The following OPRM1 variants were observed in gnomAD, a reference collection of about 807,000 sequenced individuals.
OPRM1 encodes opioid receptor mu 1.
In OPRM1, 27 loss-of-function variants were observed where a neutral mutation model predicts 31.8. That is an observed-to-expected ratio of 0.85 (90% CI 0.63 to 1.17). The LOEUF is 1.17. OPRM1 is among the 50% of genes most tolerant of loss of function. The pLI is 0.00. For synonymous variants in OPRM1, 196 were observed against 189.9 expected (o/e 1.03, Z -0.26); for missense variants, 536 against 511.1 (o/e 1.05, Z -0.47).
chr6:154,216,379 T>C (rs1778393400), intron 3 of OPRM1, among the ~76,000 whole-genome samples: 1 of 152,106 alleles, frequency 6.6e-6, no homozygotes. Flanking sequence ...TCTGTAATTG[T>C]GCCTTTGAAA....
At chr6:154,059,003 T>C (rs986453023) in intron 1 of OPRM1, among the ~76,000 whole-genome samples, 10 of 152,198 alleles carry the variant, frequency 6.6e-5, no homozygotes, top group African/African-American at 2.2e-4. Flanking sequence ...AAAATTGTTT[T>C]ATTCAATTGC....
At chr6:154,222,955 G>C (rs572414202) in intron 3 of OPRM1, 1 of 583,274 alleles carries the variant, frequency 1.7e-6, no homozygotes, top group African/African-American at 1.9e-5. Context: ...ACTTCGTGGG[G>C]GTTTTAAAAT....
At chr6:154,106,907 A>C (rs1399605028) in intron 3 of OPRM1, among the ~76,000 whole-genome samples, 1 of 152,178 alleles carries the variant, frequency 6.6e-6, no homozygotes, top group Non-Finnish European at 1.5e-5. Context: ...CATTTTTAAG[A>C]TGTTTTATTT....
intron 3 of OPRM1, among the ~76,000 whole-genome samples, chr6:154,235,531 CAAAAAAAAAA>C (rs34877577): frequency 1.0e-5 from 1 of 97,594 alleles, no homozygotes; most frequent in South Asian, 3.7e-4. Context: ...AACTCTGTCA[CAAAAAAAAAA>C]AAAAAAAAAA....
chr6:154,199,934 A>G (rs1228857466), intron 3 of OPRM1: 1 of 1,614,238 alleles, frequency 6.2e-7, no homozygotes, highest in East Asian at 2.2e-5. Flanking sequence ...CTCTTTAGAT[A>G]AGGAGGAAGG....
At chr6:154,017,555 C>T (rs145952303) in intron 1 of OPRM1, among the ~76,000 whole-genome samples, 1 of 152,216 alleles carries the variant, frequency 6.6e-6, no homozygotes, top group East Asian at 1.9e-4. Context: ...AGGACAGAAC[C>T]TATCTCATGT....
At chr6:154,082,681 C>G (rs1789444498) in intron 1 of OPRM1, among the ~76,000 whole-genome samples, 1 of 151,984 alleles carries the variant, frequency 6.6e-6, no homozygotes, top group African/African-American at 2.4e-5. Flanking sequence ...ATGACCTTTC[C>G]CCTTAGAAGT....
chr6:154,026,323 T>C (rs1778694145), intron 1 of OPRM1, among the ~76,000 whole-genome samples: 1 of 152,070 alleles, frequency 6.6e-6, no homozygotes, highest in Non-Finnish European at 1.5e-5. Context: ...AGCTAAATTG[T>C]ATGTTGTTTG....
chr6:154,049,886 T>A (rs1781864809), intron 1 of OPRM1, among the ~76,000 whole-genome samples: 1 of 152,200 alleles, frequency 6.6e-6, no homozygotes, highest in African/African-American at 2.4e-5. Flanking sequence ...ATTTTTCTAA[T>A]GTGTTATTGA....
intron 3 of OPRM1, among the ~76,000 whole-genome samples, chr6:154,220,597 G>A (rs759367351): frequency 2.3e-4 from 35 of 152,156 alleles, no homozygotes; most frequent in Non-Finnish European, 1.3e-4. Context: ...AGCCGAGATC[G>A]CACCACTGCA....
intron 3 of OPRM1, among the ~76,000 whole-genome samples, chr6:154,231,762 C>T (rs189511411): frequency 2.6e-5 from 4 of 152,196 alleles, no homozygotes; most frequent in East Asian, 1.9e-4. Flanking sequence ...AACAGAGATG[C>T]GAAGGAGACT....
At position 154,121,772 on chromosome 6, in the gene OPRM1, A is replaced by C. The variant is rs965973477; in HGVS notation, c.*3051A>C. Among the ~76,000 whole-genome samples, 3 of 152,212 alleles carry C rather than the reference A, an allele frequency of 2.0e-5. No homozygotes were observed. The highest frequency in any genetic ancestry group is 2.0e-4 in the Admixed American group (3 of 15,272). ...TAAGATACAAAGAAAACACCTCTGCAAAGATTCCGACCACATTTATCAAAA... is the reference window on the plus strand; with the variant it reads ...TAAGATACAAAGAAAACACCTCTGCCAAGATTCCGACCACATTTATCAAAA... On this transcript the variant is annotated 3_prime_UTR_variant, in exon 4 of 4. Coordinates refer to ENST00000330432, the MANE Select transcript of OPRM1 (RefSeq NM_000914.5).
chr6:154,019,695 A>C (rs1369630964), intron 1 of OPRM1, among the ~76,000 whole-genome samples: 1 of 150,594 alleles, frequency 6.6e-6, no homozygotes, highest in African/African-American at 2.4e-5. Context: ...ATGTGAATTT[A>C]AGGTTTCTCT....
intron 3 of OPRM1, chr6:154,221,318 T>C (rs751293134): frequency 6.2e-7 from 1 of 1,613,834 alleles, no homozygotes; most frequent in East Asian, 2.2e-5. Context: ...GGATGGCTGA[T>C]CTTAAAAGCA....
intron 3 of OPRM1, among the ~76,000 whole-genome samples, chr6:154,200,511 G>A (rs1415433600): frequency 6.6e-6 from 1 of 152,022 alleles, no homozygotes; most frequent in African/African-American, 2.4e-5. Flanking sequence ...ACCTGAGGCC[G>A]GGAGTTTGAG....
At chr6:154,231,512 A>C (rs1353626339) in intron 3 of OPRM1, among the ~76,000 whole-genome samples, 1 of 152,268 alleles carries the variant, frequency 6.6e-6, no homozygotes, top group Non-Finnish European at 1.5e-5. Flanking sequence ...TGACAGTTGA[A>C]TACACTGTGG....
intron 3 of OPRM1, among the ~76,000 whole-genome samples, chr6:154,203,892 G>T (rs956805029): frequency 6.6e-6 from 1 of 152,176 alleles, no homozygotes; most frequent in Admixed American, 6.5e-5. Context: ...CCTCCATAAA[G>T]TTGCTGAGTG....
chr6:154,143,729 C>A (rs1044397170), intron 3 of OPRM1, among the ~76,000 whole-genome samples: 2 of 152,130 alleles, frequency 1.3e-5, no homozygotes, highest in African/African-American at 4.8e-5. Flanking sequence ...TTTAAAAGGG[C>A]AAGTTTGGTC....
chr6:154,146,772 G>A (rs1028048231), intron 3 of OPRM1, among the ~76,000 whole-genome samples: 4 of 152,152 alleles, frequency 2.6e-5, no homozygotes, highest in Non-Finnish European at 4.4e-5. Context: ...CCACATGGAA[G>A]AGCCATGCCG....
Sources: gnomAD v4.1 joint callset for allele counts (sites outside exome capture counted in the v4.1 genomes callset) on GRCh38, gnomAD v4.1.1 for gene constraint, MANE v1.5 for transcripts, NCBI Gene and HGNC (gene_info 2026-07-23, HGNC 2026-07-21) for gene names.